KAZN: variants seen among roughly 807,000 people sequenced by gnomAD.
KAZN encodes the protein kazrin.
In KAZN, 40 loss-of-function variants were observed where a neutral mutation model predicts 87.4. That is an observed-to-expected ratio of 0.46 (90% confidence interval 0.36 to 0.60). KAZN has a LOEUF of 0.60. Ranked by LOEUF, KAZN falls within the 20% of genes least tolerant of loss-of-function variation. The pLI, the probability that KAZN is intolerant of heterozygous loss-of-function variation, is 0.00. For synonymous variants in KAZN, 466 were observed against 458.3 expected, an observed-to-expected ratio of 1.02 and a Z score of -0.22; for missense variants, 898 against 1,073.9, an observed-to-expected ratio of 0.84 and a Z score of 2.29.
intron 1 of KAZN, among the ~76,000 whole-genome samples, chr1:14,942,994 T>C (rs1320943942): frequency 7.7e-6 from 1 of 129,416 alleles, no homozygotes; most frequent in South Asian, 2.6e-4. Flanking sequence ...GTGAGCTGCG[T>C]GTGTGTGTGT....
At position 13,960,958 on chromosome 1, in the gene KAZN, TACTC is replaced by T. The variant is rs754050021; in HGVS notation, c.91+67204_91+67207del. Among the ~76,000 whole-genome samples the T allele has an allele frequency of 9.8e-5, 15 of 152,292 alleles. No individual in the cohort carries two copies. In the South Asian group the frequency reaches 1.0e-3, roughly 11 times the overall value. On this transcript the variant is annotated intron_variant, in intron 1 of 16. Coordinates refer to the KAZN transcript ENST00000636203. Reference sequence around the variant, plus strand: ...TGTCCCTGGCTGAGAAGGGGACAGTTACTCATTCATTCATTTGATCAAATATTTA... The same window carrying T: ...TGTCCCTGGCTGAGAAGGGGACAGTTATTCATTCATTTGATCAAATATTTA...
intron 8 of KAZN, among the ~76,000 whole-genome samples, chr1:15,092,483 C>T (rs914290710): frequency 3.4e-5 from 5 of 148,630 alleles, no homozygotes; most frequent in East Asian, 2.1e-4. Flanking sequence ...TTGTTTTGTT[C>T]TGTTTTGAGT....
intron 2 of KAZN, among the ~76,000 whole-genome samples, chr1:14,412,672 A>G (rs911817990): frequency 1.3e-5 from 2 of 152,098 alleles, no homozygotes; most frequent in Non-Finnish European, 2.9e-5. Context: ...ATTAGTGAAA[A>G]GAATCAATAT....
chr1:14,046,145 A>G (rs550347598), intron 1 of KAZN, among the ~76,000 whole-genome samples: 246 of 152,326 alleles, frequency 1.6e-3, no homozygotes, highest in African/African-American at 5.7e-3. Flanking sequence ...GGAATCATGG[A>G]TGGTGGGTTC....
rs549962434 is a variant in KAZN at position 13,933,182 on chromosome 1, A to AT, written c.91+39436dup. Reference sequence around the variant, plus strand: ...GGTCACATTTAGGTCCCTTCATTGTATTTTTTTTTTCATTAAAAAATATTC... The same window carrying AT: ...GGTCACATTTAGGTCCCTTCATTGTATTTTTTTTTTTCATTAAAAAATATTC... On this transcript the variant is annotated intron_variant, in intron 1 of 16. Coordinates refer to the KAZN transcript ENST00000636203. Among the ~76,000 whole-genome samples the AT allele has an allele frequency of 1.5e-3, 231 of 149,172 alleles. 1 individual carries two copies. The highest frequency in any genetic ancestry group is 4.7e-3 in the African/African-American group (192 of 40,684).
chr1:13,988,579 A>G (rs1639132086), intron 1 of KAZN, among the ~76,000 whole-genome samples: 1 of 152,150 alleles, frequency 6.6e-6, no homozygotes, highest in African/African-American at 2.4e-5. Flanking sequence ...AAAGTGGTGA[A>G]CATTATTTCT....
chr1:15,001,762 A>G (rs1573028472), intron 2 of KAZN, among the ~76,000 whole-genome samples: 1 of 149,088 alleles, frequency 6.7e-6, no homozygotes, highest in East Asian at 2.0e-4. Flanking sequence ...AATGTTAATC[A>G]TTGTTCAGAA....
intron 1 of KAZN, among the ~76,000 whole-genome samples, chr1:14,833,696 G>A (rs181028932): frequency 1.1e-3 from 169 of 152,188 alleles, no homozygotes; most frequent in South Asian, 9.4e-3. Context: ...ACAGGTGCCC[G>A]GGGGAAAGCA....
intron 1 of KAZN, among the ~76,000 whole-genome samples, chr1:14,728,945 C>G (rs186514027): frequency 6.6e-6 from 1 of 152,266 alleles, no homozygotes; most frequent in African/African-American, 2.4e-5. Flanking sequence ...AACAGCAGGC[C>G]GTTTTAGAAC....
At chr1:14,137,337 G>A (rs1272978210) in intron 1 of KAZN, among the ~76,000 whole-genome samples, 6 of 152,170 alleles carry the variant, frequency 3.9e-5, no homozygotes, top group African/African-American at 1.4e-4. Flanking sequence ...GCGTGGGTCA[G>A]GTGGCCCTAC....
intron 1 of KAZN, among the ~76,000 whole-genome samples, chr1:14,139,646 G>A (rs981121693): frequency 3.9e-5 from 6 of 152,202 alleles, no homozygotes; most frequent in Non-Finnish European, 8.8e-5. Flanking sequence ...CTTCTGCAGA[G>A]GTGGCCAGTG....
At chr1:13,948,363 A>T (rs936604925) in intron 1 of KAZN, among the ~76,000 whole-genome samples, 1 of 152,158 alleles carries the variant, frequency 6.6e-6, no homozygotes, top group Non-Finnish European at 1.5e-5. Flanking sequence ...AGTTCTCACA[A>T]GATCTGATGG....
At chr1:14,551,969 CTTTT>C (rs796501368) in intron 2 of KAZN, among the ~76,000 whole-genome samples, 173 of 152,256 alleles carry the variant, frequency 1.1e-3, no homozygotes, top group African/African-American at 4.0e-3. Flanking sequence ...TCTCTCTCTT[CTTTT>C]TATTTCTTTC....
At chr1:14,530,620 T>C (rs1672155248) in intron 2 of KAZN, among the ~76,000 whole-genome samples, 1 of 151,894 alleles carries the variant, frequency 6.6e-6, no homozygotes, top group Non-Finnish European at 1.5e-5. Context: ...TGGCACCTCC[T>C]CCTCTCTCTC....
chr1:13,923,891 A>ATGTAACTATAAGTTACAT, intron 1 of KAZN, among the ~76,000 whole-genome samples: 1 of 152,158 alleles, frequency 6.6e-6, no homozygotes, highest in South Asian at 2.1e-4. Context: ...GTTAAATCCT[A>ATGTAACTATAAGTTACAT]GGATTTGCTG....
At chr1:14,625,397 A>C (rs550240163) in intron 1 of KAZN, among the ~76,000 whole-genome samples, 4 of 152,302 alleles carry the variant, frequency 2.6e-5, no homozygotes, top group African/African-American at 7.2e-5. Flanking sequence ...CCTCAATTGT[A>C]ATTAAAACTA....
intron 2 of KAZN, among the ~76,000 whole-genome samples, chr1:14,201,129 G>A (rs1017841421): frequency 6.6e-6 from 1 of 152,196 alleles, no homozygotes; most frequent in Non-Finnish European, 1.5e-5. Flanking sequence ...ATCTGGTTTT[G>A]CATCTCCACT....
chr1:14,160,652 G>A (rs1055047880), intron 1 of KAZN, among the ~76,000 whole-genome samples: 7 of 152,142 alleles, frequency 4.6e-5, no homozygotes, highest in African/African-American at 9.7e-5. Context: ...GGCAAGAATC[G>A]GTGGAGTCTT....
intron 1 of KAZN, among the ~76,000 whole-genome samples, chr1:14,130,836 C>A (rs1644977218): frequency 6.6e-6 from 1 of 151,412 alleles, no homozygotes; most frequent in African/African-American, 2.4e-5. Flanking sequence ...TATCAGTGAT[C>A]CAAATTGTCA....
Sources: allele counts gnomAD v4.1 joint callset (sites outside exome capture counted in the v4.1 genomes callset), GRCh38; gene constraint gnomAD v4.1.1; transcripts MANE v1.5; gene names NCBI Gene and HGNC (gene_info 2026-07-23, HGNC 2026-07-21).